The following PXK variants were observed in gnomAD, a reference collection of about 807,000 sequenced individuals.
PXK encodes PX domain containing serine/threonine kinase like, also known as PX domain-containing protein kinase-like protein.
A neutral mutation model predicts 84.7 loss-of-function variants in PXK; 35 were observed. The ratio of observed to expected loss-of-function variants is 0.41; its 90% CI spans 0.32 to 0.55. The LOEUF is 0.55. PXK is among the 20% of genes least tolerant of loss of function. PXK has a pLI of 0.21. For synonymous variants in PXK, 253 were observed against 260.8 expected (o/e 0.97, Z 0.29); for missense variants, 634 against 699.7 (o/e 0.91, Z 1.06).
At chr3:58,375,141 A>G (rs967300716) in intron 3 of PXK, among the ~76,000 whole-genome samples, 5 of 152,320 alleles carry the variant, frequency 3.3e-5, no homozygotes, top group East Asian at 1.9e-4. Flanking sequence ...CATCCCCACA[A>G]TGAAAGAAAA....
chr3:58,371,422 T>G (rs762592053), intron 3 of PXK, among the ~76,000 whole-genome samples: 45 of 152,330 alleles, frequency 3.0e-4, no homozygotes, highest in South Asian at 8.3e-4. Flanking sequence ...TCCACAGTGG[T>G]GTAAGCATTT....
Position 58,401,779 on chromosome 3 carries a change from T to G in PXK, c.1182-2083T>G, listed in dbSNP as rs2058607334. ...GTCTCTACTAAAAATGCAAAAAAAT[T>G]AGCCGAGCGTGGTGGCGGGCGTCTG... On this transcript the variant is annotated intron_variant, in intron 12 of 17. Coordinates refer to ENST00000356151, the MANE Select transcript of PXK (RefSeq NM_017771.5). The surrounding 1 kb of genome is among the most constrained non-coding windows in gnomAD (Gnocchi z 4.4). 6.6e-6 allele frequency among the ~76,000 whole-genome samples: 1 copy of G among 151,690 alleles called. No homozygotes were observed. The highest frequency in any genetic ancestry group is 2.1e-4 in the South Asian group (1 of 4,800).
Position 58,333,077 on chromosome 3 carries a change from TG to T in PXK, c.90del (p.Gln31SerfsTer41). On this transcript the variant is annotated frameshift_variant, in exon 1 of 18. Coordinates refer to ENST00000356151, the MANE Select transcript of PXK (RefSeq NM_017771.5). LOFTEE classifies it high-confidence loss of function. This position sits in a 1 kb window ranked among gnomAD's most constrained non-coding sequence, Gnocchi z 5.4. Reference sequence around the variant, plus strand: ...GCAGCCATCGAGGCGAGCCAGAGCCTGCAGTCCCACACGGTGCGCGGCCCAG... The same window carrying T: ...GCAGCCATCGAGGCGAGCCAGAGCCTCAGTCCCACACGGTGCGCGGCCCAG... ...LTAAIEASQSLQSHTEYIIRV... is the reference protein window; with the variant it reads ...LTAAIEASQSXQSHTEYIIRV... 7.6e-7 allele frequency: 1 copy of T among 1,307,368 alleles called. No homozygotes were observed. The highest frequency in any genetic ancestry group is 9.9e-7 in the Non-Finnish European group (1 of 1,012,772). The allele number at this position is 1,307,368 out of a possible 1,614,324, so 81.0% of individuals were successfully genotyped here.
intron 12 of PXK, among the ~76,000 whole-genome samples, chr3:58,403,242 T>C (rs1359686914): frequency 7.9e-5 from 12 of 152,060 alleles, no homozygotes; most frequent in Non-Finnish European, 1.8e-4. Flanking sequence ...TGACCTCAAG[T>C]GATCCGCCTG....
Position 58,412,739 on chromosome 3 carries a change from C to T in PXK, c.1466-162C>T, listed in dbSNP as rs12635366. Among the ~76,000 whole-genome samples the T allele has an allele frequency of 0.75, 114,706 of 152,048 alleles. 43,508 individuals are homozygous for T. The highest frequency in any genetic ancestry group is 0.82 in the South Asian group (3,930 of 4,814). On this transcript the variant is annotated intron_variant, in intron 16 of 17. Coordinates refer to ENST00000356151, the MANE Select transcript of PXK (RefSeq NM_017771.5). This position sits in a 1 kb window ranked among gnomAD's most constrained non-coding sequence, Gnocchi z 6.2. ...CCTGCACCAGAGTAAAAGCCTGTCA[C>T]TGGGTCCGGTCTCTGAGTTTTTTGT...
Position 58,397,571 on chromosome 3 carries a change from A to G in PXK, c.985-34A>G, listed in dbSNP as rs567548312. ...CGCGAGGGTCCACAAAGCCAAAGTG[A>G]AGGGTGAACACGCTGCTACTCTTTC... On this transcript the variant is annotated intron_variant, in intron 10 of 17. Coordinates refer to ENST00000356151, the MANE Select transcript of PXK (RefSeq NM_017771.5). The surrounding 1 kb of genome is among the most constrained non-coding windows in gnomAD (Gnocchi z 4.7). 805 of 1,564,696 alleles carry G rather than the reference A, an allele frequency of 5.1e-4. 1 individual carries two copies. Among genetic ancestry groups the G allele is most frequent in the Middle Eastern group, 4.7e-3 (28 of 5,958 alleles).
At chr3:58,348,879 T>G (rs563861141) in intron 1 of PXK, among the ~76,000 whole-genome samples, 47 of 152,082 alleles carry the variant, frequency 3.1e-4, no homozygotes, top group Non-Finnish European at 5.4e-4. Context: ...ACCACTGCAC[T>G]CCAGCCTAGG....
At chr3:58,382,817 A>T in intron 4 of PXK, 117 bp downstream of exon 4, 3 of 708,132 alleles carry the variant, frequency 4.2e-6, no homozygotes, top group Non-Finnish European at 6.3e-6. Context: ...TACATTTGTT[A>T]TAGCATATTA....
At position 58,397,331 on chromosome 3, in the gene PXK, G is replaced by A; in HGVS notation, c.984+131G>A. On this transcript the variant is annotated intron_variant, in intron 10 of 17. Coordinates refer to ENST00000356151, the MANE Select transcript of PXK (RefSeq NM_017771.5). This position sits in a 1 kb window ranked among gnomAD's most constrained non-coding sequence, Gnocchi z 4.7. ...GGACAGGCCTTGCCCGTCAGCCCTT[G>A]CAGCGTTGCTGTATCTCTGGGAGGC... 1 of 1,140,388 alleles carries A rather than the reference G, an allele frequency of 8.8e-7. No homozygotes were observed. Among genetic ancestry groups the A allele is most frequent in the Non-Finnish European group, 1.3e-6 (1 of 790,778 alleles). The allele number at this position is 1,140,388 out of a possible 1,614,324, so 70.6% of individuals were successfully genotyped here.
intron 1 of PXK, among the ~76,000 whole-genome samples, chr3:58,354,179 C>A (rs2098011315): frequency 6.6e-6 from 1 of 152,116 alleles, no homozygotes; most frequent in Non-Finnish European, 1.5e-5. Context: ...GGAAATAGTT[C>A]TTTCTTGCTC....
In PXK at chr3:58,364,216, G is replaced by A. The variant is rs1416084922; in HGVS notation, c.103-1658G>A. 6.6e-6 allele frequency among the ~76,000 whole-genome samples: 1 copy of A among 152,046 alleles called. No individual in the cohort carries two copies. The highest frequency in any genetic ancestry group is 1.5e-5 in the Non-Finnish European group (1 of 68,018). On this transcript the variant is annotated intron_variant, in intron 1 of 17. Transcript: ENST00000356151. The surrounding 1 kb of genome is among the most constrained non-coding windows in gnomAD (Gnocchi z 4.3). ...TAGTTCTCTTTTTTGTACTGTCTTT[G>A]GTTTTGGGACCTGGGTAATACTAGC...
chr3:58,342,918 G>A (rs185466077), intron 1 of PXK, among the ~76,000 whole-genome samples: 33 of 152,314 alleles, frequency 2.2e-4, no homozygotes, highest in Middle Eastern at 6.8e-3. Flanking sequence ...AGGGCTCTGT[G>A]CCGGAGAGCA....
In PXK at chr3:58,390,724, T is replaced by C; in HGVS notation, c.466+65T>C. 1 of 1,443,208 alleles carries C rather than the reference T, an allele frequency of 6.9e-7. No homozygotes were observed. Among genetic ancestry groups the C allele is most frequent in the Non-Finnish European group, 9.6e-7 (1 of 1,044,664 alleles). The allele number at this position is 1,443,208 out of a possible 1,614,324, so 89.4% of individuals were successfully genotyped here. A position where few individuals can be genotyped will look rare whatever the true frequency, so the allele number is the denominator to read the frequency against. ...CACAGAACTGGATCCTTAGTCATGCTTTCTGATACGTATCCCAGGAACATG... is the reference window on the plus strand; with the variant it reads ...CACAGAACTGGATCCTTAGTCATGCCTTCTGATACGTATCCCAGGAACATG... On this transcript the variant is annotated intron_variant, in intron 5 of 17. Coordinates refer to ENST00000356151, the MANE Select transcript of PXK (RefSeq NM_017771.5). This position sits in a 1 kb window ranked among gnomAD's most constrained non-coding sequence, Gnocchi z 4.2.
In PXK at chr3:58,410,151, A is replaced by G. The variant is rs147560147; in HGVS notation, c.1457A>G (p.Asn486Ser). ...CATTCAGCGAAGTACAGCAACTCCA[A>G]TAATTCAGGTAACTGGTTATAGATG... is the stretch of plus-strand genomic sequence containing the variant. ...EEHSAKYSNS[N>S]NSAGSGASSP... Residue 486 changes from asparagine (N) to serine (S), a missense_variant, in exon 16 of 18, where the codon AAT becomes AGT. Around this residue, in one of 3 missense-constraint regions of PXK, gnomAD observed 273 missense variants for 283.6 expected, o/e 0.96. Transcript: ENST00000356151. 10 of 1,586,856 alleles carry G rather than the reference A, an allele frequency of 6.3e-6. No individual in the cohort carries two copies. The African/African-American group carries it at 6.7e-5, about 11-fold the overall frequency.
intron 17 of PXK, chr3:58,420,440 A>G: frequency 2.1e-6 from 3 of 1,414,120 alleles, no homozygotes; most frequent in South Asian, 1.2e-5. Context: ...GATTCAGACT[A>G]ATATTTTACT....
At chr3:58,393,462 A>G (rs1443954472) in intron 7 of PXK, among the ~76,000 whole-genome samples, 2 of 152,236 alleles carry the variant, frequency 1.3e-5, no homozygotes, top group Non-Finnish European at 2.9e-5. Context: ...AAAGTAAATT[A>G]TATATGTAGT....
intron 9 of PXK, 41 bp from the exon 10 acceptor site, chr3:58,396,998 T>C: frequency 6.4e-7 from 1 of 1,572,250 alleles, no homozygotes; most frequent in South Asian, 1.1e-5. Context: ...TATATCTGAA[T>C]GAGTTTGGGG....
chr3:58,412,932 C>A lies in PXK; in HGVS notation c.1497C>A (p.Ser499=), dbSNP rs1349630620. The A allele has an allele frequency of 6.2e-7, 1 of 1,614,158 alleles. No individual in the cohort carries two copies. Residue 499 remains serine (S), a synonymous_variant, in exon 17 of 18, where the codon TCC becomes TCA. Transcript: ENST00000356151. This position sits in a 1 kb window ranked among gnomAD's most constrained non-coding sequence, Gnocchi z 6.2. ...AGSGASSPLT[S]PSSPTPPSTS... ...CTGGGGCCAGCTCACCTCTCACGTCCCCGTCATCGCCAACTCCACCCTCTA... is the reference window on the plus strand; with the variant it reads ...CTGGGGCCAGCTCACCTCTCACGTCACCGTCATCGCCAACTCCACCCTCTA...
chr3:58,389,657 C>CT (rs2098602542), intron 4 of PXK, among the ~76,000 whole-genome samples: 2 of 130,784 alleles, frequency 1.5e-5, no homozygotes, highest in Admixed American at 8.4e-5. Flanking sequence ...TACCTTGTCA[C>CT]TAAAAAAAAC....
Sources: allele counts gnomAD v4.1 joint callset (sites outside exome capture counted in the v4.1 genomes callset), GRCh38; gene constraint gnomAD v4.1.1; regional missense constraint gnomAD v4.1.1; non-coding constraint Gnocchi (gnomAD v3.1); transcripts MANE v1.5; gene names NCBI Gene and HGNC (gene_info 2026-07-23, HGNC 2026-07-21).